The following CSMD2 variants were observed in gnomAD, a reference collection of about 807,000 sequenced individuals.
CSMD2 encodes the protein CUB and Sushi multiple domains 2, also known as CUB and sushi domain-containing protein 2.
Under a neutral mutation model 398.5 loss-of-function variants are expected in CSMD2, and 130 were observed. That is an observed-to-expected ratio of 0.33 (90% CI 0.28 to 0.38). CSMD2 has a LOEUF of 0.38. CSMD2 is among the 10% of genes least tolerant of loss of function. CSMD2 has a pLI of 1.00. For missense variants in CSMD2, 3,829 were observed against 4,764.9 expected (o/e 0.80, Z 5.78); for synonymous variants, 1,828 against 1,908.5 (o/e 0.96, Z 1.10).
chr1:33,772,338 T>TG, intron 13 of CSMD2: 2 of 482,398 alleles, frequency 4.1e-6, no homozygotes, highest in Non-Finnish European at 7.4e-6. Flanking sequence ...AAGACGGTGT[T>TG]GAAGAGCATC....
intron 5 of CSMD2, among the ~76,000 whole-genome samples, chr1:33,912,099 G>T (rs999765514): frequency 3.3e-5 from 5 of 152,178 alleles, no homozygotes; most frequent in Admixed American, 1.3e-4. Context: ...CCTGGAAGGT[G>T]CTCTCCTTTC....
At chr1:33,599,565 T>G (rs563605132) in intron 44 of CSMD2, 1 of 152,378 alleles carries the variant, frequency 6.6e-6, no homozygotes, top group Admixed American at 6.5e-5. Context: ...ATAGCTTGCA[T>G]GTGTCAGAGC....
chr1:33,969,755 GAGTGAGTGTGTATGCTTC>G (rs1645688635), intron 3 of CSMD2, among the ~76,000 whole-genome samples: 1 of 152,028 alleles, frequency 6.6e-6, no homozygotes, highest in African/African-American at 2.4e-5. Flanking sequence ...ATGAATGAGT[GAGTGAGTGTGTATGCTTC>G]AGATTGTAAG....
At chr1:33,575,374 T>C (rs187946889) in intron 49 of CSMD2, among the ~76,000 whole-genome samples, 14 of 152,126 alleles carry the variant, frequency 9.2e-5, no homozygotes, top group African/African-American at 3.1e-4. Context: ...GGAGGGGGAT[T>C]AACAATCCAC....
intron 5 of CSMD2, among the ~76,000 whole-genome samples, chr1:33,887,479 A>G (rs1402016396): frequency 1.3e-5 from 2 of 152,222 alleles, no homozygotes; most frequent in African/African-American, 4.8e-5. Flanking sequence ...CGATGGTGTT[A>G]CAGAACCACT....
chr1:33,907,256 C>T (rs1643151633), intron 5 of CSMD2, among the ~76,000 whole-genome samples: 1 of 151,564 alleles, frequency 6.6e-6, no homozygotes, highest in Non-Finnish European at 1.5e-5. Context: ...GTAGCTGGGA[C>T]CACAGGCGTC....
chr1:33,619,735 AT>A (rs1254682003), intron 37 of CSMD2, among the ~76,000 whole-genome samples: 1 of 152,322 alleles, frequency 6.6e-6, no homozygotes, highest in East Asian at 1.9e-4. Flanking sequence ...CTTTTAAGAT[AT>A]GAGTGTGATA....
chr1:33,783,431 T>TTCTCTCTCTCTCTCTCTCTCTCTCTC (rs55769634), intron 12 of CSMD2, among the ~76,000 whole-genome samples: 13 of 135,250 alleles, frequency 9.6e-5, no homozygotes, highest in African/African-American at 3.5e-4. Context: ...CATTCTCTCA[T>TTCTCTCTCTCTCTCTCTCTCTCTCTC]TCTCTCTCTC....
chr1:34,124,791 A>G (rs1662569441), intron 1 of CSMD2, among the ~76,000 whole-genome samples: 2 of 152,230 alleles, frequency 1.3e-5, no homozygotes, highest in African/African-American at 2.4e-5. Flanking sequence ...TCACAGTTCT[A>G]TTTGTTCTGC....
intron 12 of CSMD2, among the ~76,000 whole-genome samples, chr1:33,781,005 T>C (rs1482331812): frequency 6.6e-6 from 1 of 152,216 alleles, no homozygotes; most frequent in African/African-American, 2.4e-5. Flanking sequence ...TGAGTGATGC[T>C]GGTCGGCTGC....
Position 33,819,693 on chromosome 1 carries a change from C to T in CSMD2, c.1324+20G>A, listed in dbSNP as rs200245108. The stretch of plus-strand genomic sequence containing the variant: ...CAGCCCAACTCTCTGGCCAGCCTCC[C>T]TTCCCCAGGGCACCCTCACCTCGGC... On this transcript the variant is annotated intron_variant, in intron 9 of 70. Coordinates refer to ENST00000373381, the MANE Select transcript of CSMD2 (RefSeq NM_001281956.2). 495 of 1,610,976 alleles carry T rather than the reference C, an allele frequency of 3.1e-4. 4 individuals carry two copies. Among genetic ancestry groups the T allele is most frequent in the Middle Eastern group, 7.9e-4 (4 of 5,058 alleles).
intron 5 of CSMD2, among the ~76,000 whole-genome samples, chr1:33,917,098 C>T (rs1479754665): frequency 6.6e-6 from 1 of 152,198 alleles, no homozygotes; most frequent in Non-Finnish European, 1.5e-5. Flanking sequence ...TGGAGCACAG[C>T]CCCGCCAGAC....
At chr1:33,941,535 C>T (rs868217401) in intron 3 of CSMD2, among the ~76,000 whole-genome samples, 4 of 152,094 alleles carry the variant, frequency 2.6e-5, no homozygotes, top group African/African-American at 7.2e-5. Flanking sequence ...TGCCTGTGTA[C>T]GTGTGTCCAT....
At chr1:33,685,472 A>G (rs1474165076) in intron 25 of CSMD2, among the ~76,000 whole-genome samples, 1 of 152,254 alleles carries the variant, frequency 6.6e-6, no homozygotes, top group Non-Finnish European at 1.5e-5. Flanking sequence ...CCAAGTTTTT[A>G]AATTGAACTG....
At chr1:33,999,718 C>T (rs1194526788) in intron 3 of CSMD2, among the ~76,000 whole-genome samples, 1 of 152,130 alleles carries the variant, frequency 6.6e-6, no homozygotes, top group African/African-American at 2.4e-5. Context: ...TGGCCCTGGG[C>T]AAATCCTTGA....
chr1:33,833,731 A>G (rs1474109541), intron 6 of CSMD2, among the ~76,000 whole-genome samples: 3 of 151,934 alleles, frequency 2.0e-5, no homozygotes, highest in Non-Finnish European at 4.4e-5. Context: ...TGCAGATGAC[A>G]TGATTGTATA....
At position 33,537,010 on chromosome 1, in the gene CSMD2, T is replaced by C; in HGVS notation, c.9879+12A>G. 1.2e-6 allele frequency: 2 copies of C among 1,613,842 alleles called. No homozygotes were observed. Among genetic ancestry groups the C allele is most frequent in the Non-Finnish European group, 1.7e-6 (2 of 1,179,710 alleles). On this transcript the variant is annotated intron_variant, in intron 62 of 70. Transcript: ENST00000373381. The surrounding 1 kb of genome is among the most constrained non-coding windows in gnomAD (Gnocchi z 4.6). ...GGATGTAGGAAGACCCTATCTTGGC[T>C]GACCTCCTTACCTGGTAGCCCTGAG...
At chr1:33,722,477 G>C (rs1025843636) in intron 19 of CSMD2, among the ~76,000 whole-genome samples, 3 of 152,142 alleles carry the variant, frequency 2.0e-5, no homozygotes, top group African/African-American at 7.2e-5. Context: ...GACTTAAAAA[G>C]GGAAATGGTA....
intron 3 of CSMD2, among the ~76,000 whole-genome samples, chr1:33,952,384 G>A (rs1383991306): frequency 6.6e-6 from 1 of 152,132 alleles, no homozygotes; most frequent in African/African-American, 2.4e-5. Flanking sequence ...CTCTGCCCCA[G>A]GGCCTTTACA....
Sources: allele counts gnomAD v4.1 joint callset (sites outside exome capture counted in the v4.1 genomes callset), GRCh38; gene constraint gnomAD v4.1.1; non-coding constraint Gnocchi (gnomAD v3.1); transcripts MANE v1.5; gene names NCBI Gene and HGNC (gene_info 2026-07-23, HGNC 2026-07-21).